The following PHF20 variants were observed in gnomAD, a reference collection of about 807,000 sequenced individuals.
The protein encoded by PHF20 is PHD finger protein 20.
A neutral mutation model predicts 113.5 loss-of-function variants in PHF20; 23 were observed. That is an observed-to-expected ratio of 0.20 (90% CI 0.15 to 0.29). The LOEUF (loss-of-function observed/expected upper bound fraction) is 0.29, where lower values mean the gene tolerates loss of function less well. Among genes scored for constraint, PHF20 ranks in the 10% least tolerant of loss-of-function variants. PHF20 has a pLI of 1.00. For synonymous variants in PHF20, 434 were observed against 457.3 expected (o/e 0.95, Z 0.65); for missense variants, 943 against 1,219.6 (o/e 0.77, Z 3.38).
intron 9 of PHF20, among the ~76,000 whole-genome samples, chr20:35,895,547 A>AT (rs2054963151): frequency 1.3e-5 from 2 of 152,058 alleles, no homozygotes; most frequent in African/African-American, 2.4e-5. Flanking sequence ...AAAATAAACT[A>AT]TTTTTTGTTT....
At chr20:35,853,236 A>AG in intron 4 of PHF20, 1 of 150,514 alleles carries the variant, frequency 6.6e-6, no homozygotes, top group Non-Finnish European at 1.5e-5. Context: ...AAAAAAAAAA[A>AG]GAAAGAAAAA....
At chr20:35,942,916 C>T (rs912332446) in intron 17 of PHF20, among the ~76,000 whole-genome samples, 2 of 152,082 alleles carry the variant, frequency 1.3e-5, no homozygotes, top group Non-Finnish European at 1.5e-5. Context: ...CTCCGCCTCC[C>T]GGGTTCACGC....
At chr20:35,913,123 G>T (rs1163625359) in intron 10 of PHF20, 126 bp from the exon 11 acceptor site, 3 of 504,294 alleles carry the variant, frequency 5.9e-6, no homozygotes, top group Non-Finnish European at 1.1e-5. Context: ...CCTCCAGACT[G>T]GAGCAATCTG....
At chr20:35,888,976 G>A (rs2054791227) in intron 9 of PHF20, among the ~76,000 whole-genome samples, 1 of 150,986 alleles carries the variant, frequency 6.6e-6, no homozygotes, top group Non-Finnish European at 1.5e-5. Flanking sequence ...TGGCCCAGCA[G>A]GCCCATTTGA....
At chr20:35,901,270 C>T (rs1485744834) in intron 10 of PHF20, among the ~76,000 whole-genome samples, 1 of 151,884 alleles carries the variant, frequency 6.6e-6, no homozygotes, top group Non-Finnish European at 1.5e-5. Flanking sequence ...CAAAAATTAG[C>T]CAGGCGTGGT....
At chr20:35,892,587 T>C (rs1023523276) in intron 9 of PHF20, among the ~76,000 whole-genome samples, 3 of 152,220 alleles carry the variant, frequency 2.0e-5, no homozygotes, top group Non-Finnish European at 4.4e-5. Flanking sequence ...TTTATTCATA[T>C]ATAATATTTT....
In PHF20 at chr20:35,896,493, A is replaced by T. The variant is rs781723334; in HGVS notation, c.1283-2877A>T. Reference sequence around the variant, plus strand: ...GAAGACATTCTAAAGGGAGTCCTCAATAAACTGCATTTCTAACACACAAGA... The same window carrying T: ...GAAGACATTCTAAAGGGAGTCCTCATTAAACTGCATTTCTAACACACAAGA... On this transcript the variant is annotated intron_variant, in intron 9 of 17. Coordinates refer to ENST00000374012, the MANE Select transcript of PHF20 (RefSeq NM_016436.5). Among the ~76,000 whole-genome samples, 47 of 152,106 alleles carry T rather than the reference A, an allele frequency of 3.1e-4. 1 individual carries two copies. The highest frequency in any genetic ancestry group is 6.5e-5 in the Admixed American group (1 of 15,268).
intron 9 of PHF20, among the ~76,000 whole-genome samples, chr20:35,896,570 G>A (rs957112944): frequency 6.6e-6 from 1 of 151,896 alleles, no homozygotes; most frequent in Non-Finnish European, 1.5e-5. Context: ...CAGCACTCTG[G>A]GAGGCTGAGG....
chr20:35,918,810 C>T (rs1011448913), intron 13 of PHF20, among the ~76,000 whole-genome samples: 1 of 152,180 alleles, frequency 6.6e-6, no homozygotes, highest in African/African-American at 2.4e-5. Flanking sequence ...AAAAGACTGC[C>T]TGGGGCCCAC....
At chr20:35,822,158 C>T (rs1324410923) in intron 2 of PHF20, among the ~76,000 whole-genome samples, 1 of 152,218 alleles carries the variant, frequency 6.6e-6, no homozygotes, top group Non-Finnish European at 1.5e-5. Context: ...AATCCCAGGA[C>T]TTTGGGAGGC....
intron 1 of PHF20, among the ~76,000 whole-genome samples, chr20:35,780,438 G>A (rs1265641356): frequency 6.6e-6 from 1 of 151,674 alleles, no homozygotes; most frequent in African/African-American, 2.4e-5. Context: ...ATGTTAGCCA[G>A]GATGGTCTCG....
intron 1 of PHF20, among the ~76,000 whole-genome samples, chr20:35,776,412 G>A (rs1188778494): frequency 6.6e-6 from 1 of 152,128 alleles, no homozygotes; most frequent in African/African-American, 2.4e-5. Flanking sequence ...CAAATGCTGG[G>A]GAGAAGATGA....
chr20:35,814,556 A>G (rs954083856), intron 2 of PHF20, among the ~76,000 whole-genome samples: 1 of 150,960 alleles, frequency 6.6e-6, no homozygotes, highest in Non-Finnish European at 1.5e-5. Flanking sequence ...AGGCCTGGGT[A>G]ACAGAGTAAG....
intron 1 of PHF20, among the ~76,000 whole-genome samples, chr20:35,800,376 G>A (rs916293022): frequency 6.6e-6 from 1 of 152,032 alleles, no homozygotes; most frequent in African/African-American, 2.4e-5. Flanking sequence ...AGTAAGCCGA[G>A]ATCATGCCAT....
chr20:35,921,106 T>C (rs2147097116), intron 13 of PHF20, among the ~76,000 whole-genome samples: 1 of 152,308 alleles, frequency 6.6e-6, no homozygotes, highest in South Asian at 2.1e-4. Context: ...TTTCTCTATT[T>C]GGTTATACAA....
intron 9 of PHF20, among the ~76,000 whole-genome samples, chr20:35,877,599 G>A (rs2054554985): frequency 6.7e-6 from 1 of 148,716 alleles, no homozygotes; most frequent in African/African-American, 2.5e-5. Context: ...TTTTTTGAAG[G>A]TGGAGTCTCA....
chr20:35,940,795 T>C (rs1306419238), intron 16 of PHF20, 69 bp from the exon 17 acceptor site: 12 of 1,320,228 alleles, frequency 9.1e-6, no homozygotes, highest in South Asian at 4.1e-5. Flanking sequence ...TGGCTGGAAA[T>C]GCTGGCTGGT....
chr20:35,892,019 G>A (rs373925479), intron 9 of PHF20, among the ~76,000 whole-genome samples: 1 of 151,376 alleles, frequency 6.6e-6, no homozygotes, highest in Non-Finnish European at 1.5e-5. Flanking sequence ...ACAGGCATCC[G>A]CCACCACCCC....
At chr20:35,931,162 A>G in intron 14 of PHF20, 87 bp from the exon 15 acceptor site, 1 of 870,866 alleles carries the variant, frequency 1.1e-6, no homozygotes, top group Non-Finnish European at 1.8e-6. Context: ...TTCTTCCAGT[A>G]GTTGGTATGA....
Sources: allele counts gnomAD v4.1 joint callset (sites outside exome capture counted in the v4.1 genomes callset), GRCh38; gene constraint gnomAD v4.1.1; transcripts MANE v1.5; gene names NCBI Gene and HGNC (gene_info 2026-07-23, HGNC 2026-07-21).